IFT74: variants seen among roughly 807,000 people sequenced by gnomAD.
The protein encoded by IFT74 is intraflagellar transport 74, also known as intraflagellar transport protein 74 homolog.
IFT74 carries 92 observed loss-of-function variants against 96.7 expected under a neutral mutation model. The observed-to-expected ratio is 0.95, with a 90% CI of 0.80 to 1.13. IFT74 has a LOEUF of 1.13. Ranked by LOEUF, IFT74 falls within the 50% of genes most tolerant of loss-of-function variation. IFT74 has a pLI of 0.00. For missense variants in IFT74, 811 were observed against 698.2 expected (o/e 1.16, Z -1.82); for synonymous variants, 223 against 213.2 (o/e 1.05, Z -0.40).
At chr9:27,017,653 G>A (rs886990063) in intron 11 of IFT74, among the ~76,000 whole-genome samples, 1 of 152,278 alleles carries the variant, frequency 6.6e-6, no homozygotes, top group East Asian at 1.9e-4. Context: ...TTTGGGCCTT[G>A]TATTTAGAAA....
intron 13 of IFT74, among the ~76,000 whole-genome samples, chr9:27,029,930 C>G (rs1563987627): frequency 6.6e-6 from 1 of 152,112 alleles, no homozygotes; most frequent in Non-Finnish European, 1.5e-5. Context: ...TCCTCCCCAA[C>G]TTTCCCCAGG....
At chr9:27,006,937 C>T (rs374564915) in intron 8 of IFT74, among the ~76,000 whole-genome samples, 5 of 147,426 alleles carry the variant, frequency 3.4e-5, no homozygotes, top group African/African-American at 5.0e-5. Context: ...CCCGGGTTGA[C>T]GCCATTCTCC....
chr9:26,961,109 G>T (rs12236404), intron 1 of IFT74, among the ~76,000 whole-genome samples: 12,114 of 147,040 alleles, frequency 0.082, 1,344 homozygotes, highest in East Asian at 0.63. Flanking sequence ...TTTGGGTGGG[G>T]GGATGGAGTC....
chr9:26,948,445 ATTATTTTTTTTTTTT>A (rs1825818583), intron 1 of IFT74, among the ~76,000 whole-genome samples: 4 of 47,312 alleles, frequency 8.5e-5, no homozygotes, highest in Non-Finnish European at 1.5e-4. Context: ...ATGGCTTTCC[ATTATTTTTTTTTTTT>A]TTTTTTTTTT....
chr9:27,023,266 C>A (rs1036518729), intron 12 of IFT74, among the ~76,000 whole-genome samples: 11 of 152,086 alleles, frequency 7.2e-5, no homozygotes, highest in African/African-American at 2.7e-4. Context: ...TTCAACTTTC[C>A]CCTGTTCAGT....
At chr9:27,043,713 A>G (rs1819572139) in intron 13 of IFT74, among the ~76,000 whole-genome samples, 1 of 152,200 alleles carries the variant, frequency 6.6e-6, no homozygotes, top group Non-Finnish European at 1.5e-5. Flanking sequence ...ATCTTCTCAG[A>G]TGCCCAAGCC....
chr9:27,031,729 TAATA>T (rs1830132635), intron 13 of IFT74, among the ~76,000 whole-genome samples: 1 of 99,320 alleles, frequency 1.0e-5, no homozygotes, highest in Non-Finnish European at 2.2e-5. Flanking sequence ...CTAAATAAAA[TAATA>T]AATAAAATAA....
Position 26,978,115 on chromosome 9 carries a change from G to C in IFT74, c.121-13G>C. 3 of 1,558,376 alleles carry C rather than the reference G, an allele frequency of 1.9e-6. No homozygotes were observed. Among genetic ancestry groups the C allele is most frequent in the Non-Finnish European group, 2.6e-6 (3 of 1,159,530 alleles). On this transcript the variant is annotated splice_polypyrimidine_tract_variant and intron_variant, in intron 2 of 19. Transcript: ENST00000380062. ...TCTGGTTTACTAAAAATGAAATCTT[G>C]TTTGTCATTTAGATGCCACCTGGGA...
intron 18 of IFT74, among the ~76,000 whole-genome samples, chr9:27,056,863 GATAGATA>G (rs1564008022): frequency 7.6e-4 from 51 of 67,124 alleles, no homozygotes; most frequent in South Asian, 2.4e-3. Flanking sequence ...TCAATGGATA[GATAGATA>G]GATAGATAGA....
intron 4 of IFT74, among the ~76,000 whole-genome samples, chr9:26,983,535 T>C (rs1827479877): frequency 6.6e-6 from 1 of 152,132 alleles, no homozygotes; most frequent in Non-Finnish European, 1.5e-5. Flanking sequence ...TACAAGATAG[T>C]GCTCAACACG....
At chr9:27,037,464 C>G (rs936074581) in intron 13 of IFT74, among the ~76,000 whole-genome samples, 1 of 152,160 alleles carries the variant, frequency 6.6e-6, no homozygotes, top group African/African-American at 2.4e-5. Flanking sequence ...ACAGGAGAAT[C>G]AGCATTAGCT....
At chr9:26,967,805 G>A (rs1318773766) in intron 2 of IFT74, among the ~76,000 whole-genome samples, 3 of 152,142 alleles carry the variant, frequency 2.0e-5, no homozygotes, top group Non-Finnish European at 2.9e-5. Context: ...ATCATCAGGA[G>A]ATGTTAAATG....
intron 2 of IFT74, among the ~76,000 whole-genome samples, chr9:26,963,447 G>A (rs991769949): frequency 2.7e-5 from 4 of 150,264 alleles, no homozygotes; most frequent in African/African-American, 7.4e-5. Context: ...ATAGCAGCAT[G>A]ATTTATAGTC....
chr9:27,001,603 G>A lies in IFT74; in HGVS notation c.588-7417G>A, dbSNP rs563118238. On this transcript the variant is annotated intron_variant, in intron 8 of 19. Coordinates refer to ENST00000380062, the MANE Select transcript of IFT74 (RefSeq NM_025103.4). ...CCACATACTTGTTTGTCTTTTGTGT[G>A]TTTTTTGAGAAATATCTATTCAGTT... is the stretch of plus-strand genomic sequence containing the variant. Among the ~76,000 whole-genome samples, 7 of 152,118 alleles carry A rather than the reference G, an allele frequency of 4.6e-5. No homozygotes were observed. The East Asian group carries it at 1.4e-3, about 29-fold the overall frequency.
intron 18 of IFT74, among the ~76,000 whole-genome samples, chr9:27,057,477 G>C (rs993028750): frequency 6.6e-6 from 1 of 151,928 alleles, no homozygotes; most frequent in African/African-American, 2.4e-5. Context: ...CAATAACTAC[G>C]GTCTGAAAAA....
At chr9:26,985,892 G>T (rs941587271) in intron 6 of IFT74, among the ~76,000 whole-genome samples, 10 of 152,008 alleles carry the variant, frequency 6.6e-5, no homozygotes, top group African/African-American at 2.2e-4. Context: ...TCGAAATATT[G>T]TGTACATTGT....
intron 2 of IFT74, 25 bp downstream of exon 2, chr9:26,962,112 C>G (rs771163603): frequency 6.2e-7 from 1 of 1,612,976 alleles, no homozygotes; most frequent in Non-Finnish European, 8.5e-7. Context: ...AATCTATTTA[C>G]TTTGGGAGGC....
chr9:26,978,976 T>G (rs1360690066), intron 3 of IFT74, among the ~76,000 whole-genome samples: 1 of 152,128 alleles, frequency 6.6e-6, no homozygotes, highest in Non-Finnish European at 1.5e-5. Flanking sequence ...TTTTCTTTTC[T>G]TTTTATCATA....
chr9:26,957,799 C>CTT (rs796171473), intron 1 of IFT74, among the ~76,000 whole-genome samples: 5 of 145,092 alleles, frequency 3.4e-5, no homozygotes, highest in African/African-American at 1.3e-4. Flanking sequence ...CTTTGTTTGC[C>CTT]TTTTTTTTTT....
Sources: gnomAD v4.1 joint callset for allele counts (sites outside exome capture counted in the v4.1 genomes callset) on GRCh38, gnomAD v4.1.1 for gene constraint, MANE v1.5 for transcripts, NCBI Gene and HGNC (gene_info 2026-07-23, HGNC 2026-07-21) for gene names.